Variants in EXT1 observed in about 807,000 individuals in gnomAD.
EXT1 encodes the protein exostosin-1.
In EXT1, 20 loss-of-function variants were observed where a neutral mutation model predicts 82.5. That is an observed-to-expected ratio of 0.24 (90% confidence interval 0.17 to 0.35). The LOEUF is 0.35. EXT1 is among the 10% of genes least tolerant of loss of function. The pLI, the probability that EXT1 is intolerant of heterozygous loss-of-function variation, is 1.00. For synonymous variants in EXT1, 348 were observed against 350.8 expected (o/e 0.99, Z 0.09); for missense variants, 757 against 936.5 (o/e 0.81, Z 2.50).
intron 1 of EXT1, among the ~76,000 whole-genome samples, chr8:117,844,132 A>AATTATT (rs1184849304): frequency 1.7e-5 from 1 of 57,444 alleles, no homozygotes; most frequent in Non-Finnish European, 3.5e-5. Flanking sequence ...TTAAAATTTC[A>AATTATT]ATTACTATTA....
chr8:117,961,043 G>C (rs1368725608), intron 1 of EXT1, among the ~76,000 whole-genome samples: 1 of 152,146 alleles, frequency 6.6e-6, no homozygotes, highest in Non-Finnish European at 1.5e-5. Flanking sequence ...ATGGGCAAAT[G>C]GTCGTTTACT....
At chr8:117,846,438 C>A (rs1812363212) in intron 1 of EXT1, among the ~76,000 whole-genome samples, 1 of 152,194 alleles carries the variant, frequency 6.6e-6, no homozygotes, top group Non-Finnish European at 1.5e-5. Flanking sequence ...GCAATACCCA[C>A]TTCCAAAACT....
At chr8:117,802,780 T>G (rs1823187006) in intron 10 of EXT1, among the ~76,000 whole-genome samples, 1 of 152,272 alleles carries the variant, frequency 6.6e-6, no homozygotes, top group South Asian at 2.1e-4. Context: ...TCCTCTTATC[T>G]GTTCTTTCTG....
chr8:118,109,811 C>T (rs1435185953), intron 1 of EXT1, among the ~76,000 whole-genome samples: 1 of 152,136 alleles, frequency 6.6e-6, no homozygotes, highest in Non-Finnish European at 1.5e-5. Context: ...ACAGGAGACA[C>T]GCCGCCCTGC....
rs752063407 is a variant in EXT1, at chr8:117,989,281, G to A, written c.962+120804C>T. ...CACTGCCTCACCTGGCTCCTGCGTCGGCTAAGCCACATTACTATGGTCTGG... is the reference window on the plus strand; with the variant it reads ...CACTGCCTCACCTGGCTCCTGCGTCAGCTAAGCCACATTACTATGGTCTGG... On this transcript the variant is annotated intron_variant, in intron 1 of 10. Transcript: ENST00000378204. Among the ~76,000 whole-genome samples the A allele has an allele frequency of 7.4e-5, 11 of 149,386 alleles. No individual in the cohort carries two copies. In the South Asian group the frequency reaches 1.1e-3, roughly 14 times the overall value.
intron 1 of EXT1, among the ~76,000 whole-genome samples, chr8:117,855,814 G>C (rs1812536758): frequency 6.6e-6 from 1 of 152,136 alleles, no homozygotes; most frequent in Admixed American, 6.5e-5. Context: ...GATTACAGGT[G>C]CTCACCACCA....
intron 1 of EXT1, among the ~76,000 whole-genome samples, chr8:118,055,779 G>T (rs1322326791): frequency 1.3e-5 from 2 of 152,178 alleles, no homozygotes; most frequent in Non-Finnish European, 2.9e-5. Flanking sequence ...TCAAACCAGT[G>T]TGTGGCGAGT....
chr8:117,904,056 C>T (rs1813500005), intron 1 of EXT1, among the ~76,000 whole-genome samples: 1 of 152,196 alleles, frequency 6.6e-6, no homozygotes, highest in Non-Finnish European at 1.5e-5. Flanking sequence ...TGTGTCTTAT[C>T]TTCAGGAACT....
rs17476093 is a variant in EXT1 at position 117,967,231 on chromosome 8, G to A, written c.963-130030C>T. On this transcript the variant is annotated intron_variant, in intron 1 of 10. Coordinates refer to ENST00000378204, the MANE Select transcript of EXT1 (RefSeq NM_000127.3). ...TATAATTTTGTGCCTGGCACTTGAA[G>A]GTGAGCATTTTGAAATCAGTCAACT... 2.0e-3 allele frequency among the ~76,000 whole-genome samples: 308 copies of A among 152,332 alleles called. 2 individuals carry two copies. Among genetic ancestry groups the A allele is most frequent in the African/African-American group, 7.2e-3 (299 of 41,576 alleles).
chr8:118,035,431 T>G (rs1378832910), intron 1 of EXT1, among the ~76,000 whole-genome samples: 4 of 152,216 alleles, frequency 2.6e-5, no homozygotes, highest in Admixed American at 2.6e-4. Flanking sequence ...AAAATTGCCT[T>G]TTTAAAAGTT....
At chr8:118,026,314 G>A (rs1397697019) in intron 1 of EXT1, among the ~76,000 whole-genome samples, 1 of 152,178 alleles carries the variant, frequency 6.6e-6, no homozygotes, top group Non-Finnish European at 1.5e-5. Flanking sequence ...CAAGATGAAA[G>A]GCTCAGGTTA....
At chr8:117,822,640 T>C (rs200382639) in intron 4 of EXT1, 43 bp from the exon 5 acceptor site, 108 of 1,606,088 alleles carry the variant, frequency 6.7e-5, no homozygotes, top group Middle Eastern at 1.8e-4. Context: ...GAGATCCTGA[T>C]GATATTTGGA....
intron 1 of EXT1, among the ~76,000 whole-genome samples, chr8:117,977,857 G>A (rs934597705): frequency 6.6e-6 from 1 of 152,200 alleles, no homozygotes; most frequent in Non-Finnish European, 1.5e-5. Context: ...AGTGAAGTTA[G>A]CCACTAGGGT....
chr8:117,878,311 CCA>C (rs1813004840), intron 1 of EXT1, among the ~76,000 whole-genome samples: 1 of 152,134 alleles, frequency 6.6e-6, no homozygotes, highest in African/African-American at 2.4e-5. Context: ...AACCTACTAT[CCA>C]GAGTCAGATT....
chr8:117,957,199 G>T (rs193237487), intron 1 of EXT1, among the ~76,000 whole-genome samples: 25 of 152,178 alleles, frequency 1.6e-4, no homozygotes, highest in African/African-American at 6.0e-4. Flanking sequence ...AAAAGCAGAA[G>T]ATCTCATGTG....
intron 1 of EXT1, among the ~76,000 whole-genome samples, chr8:118,100,703 G>A (rs575157416): frequency 2.6e-5 from 4 of 151,742 alleles, no homozygotes; most frequent in Non-Finnish European, 5.9e-5. Context: ...CTGAGATCGC[G>A]CCACTGCACT....
chr8:118,098,907 G>A (rs927122303), intron 1 of EXT1, among the ~76,000 whole-genome samples: 15 of 152,268 alleles, frequency 9.9e-5, no homozygotes, highest in South Asian at 6.2e-4. Flanking sequence ...AATGCTAACC[G>A]AAAGGAGACC....
In EXT1 at chr8:117,896,432, T is replaced by C. The variant is rs568243883; in HGVS notation, c.963-59231A>G. Among the ~76,000 whole-genome samples the C allele has an allele frequency of 3.3e-5, 5 of 152,220 alleles. No individual in the cohort carries two copies. In the East Asian group the frequency reaches 9.7e-4, roughly 29 times the overall value. ...AAAAGAAAGCAAAAAACAATGAAGA[T>C]AAGGGAGGAGGGAGTGTATATGGAG... On this transcript the variant is annotated intron_variant, in intron 1 of 10. Coordinates refer to ENST00000378204, the MANE Select transcript of EXT1 (RefSeq NM_000127.3).
At chr8:117,978,671 C>T (rs954126358) in intron 1 of EXT1, among the ~76,000 whole-genome samples, 4 of 152,186 alleles carry the variant, frequency 2.6e-5, no homozygotes, top group African/African-American at 9.7e-5. Flanking sequence ...ATCACAGCTG[C>T]GTGACTCACG....
Sources: gnomAD v4.1 joint callset for allele counts (sites outside exome capture counted in the v4.1 genomes callset) on GRCh38, gnomAD v4.1.1 for gene constraint, MANE v1.5 for transcripts, NCBI Gene and HGNC (gene_info 2026-07-23, HGNC 2026-07-21) for gene names.